The following NRG1 variants were observed in gnomAD, a reference collection of about 807,000 sequenced individuals.
The protein encoded by NRG1 is pro-neuregulin-1, membrane-bound isoform.
NRG1 carries 18 observed loss-of-function variants against 63.8 expected under a neutral mutation model. The observed-to-expected ratio is 0.28, with a 90% CI of 0.19 to 0.42. The LOEUF (loss-of-function observed/expected upper bound fraction) is 0.42. Ranked by LOEUF, NRG1 falls within the 10% of genes least tolerant of loss-of-function variation. The pLI is 1.00. For synonymous variants in NRG1, 302 were observed against 301.3 expected (o/e 1.00, Z -0.02); for missense variants, 762 against 814.7 (o/e 0.94, Z 0.79).
chr8:32,527,080 T>A (rs993837897), intron 1 of NRG1, among the ~76,000 whole-genome samples: 1 of 152,192 alleles, frequency 6.6e-6, no homozygotes, highest in Non-Finnish European at 1.5e-5. Flanking sequence ...CATTGCAAAC[T>A]TAATTTCTCA....
chr8:31,748,078 C>A (rs1816072987), intron 1 of NRG1, among the ~76,000 whole-genome samples: 1 of 151,832 alleles, frequency 6.6e-6, no homozygotes, highest in Non-Finnish European at 1.5e-5. Flanking sequence ...AAAATATAAC[C>A]TTTCTTCTAC....
In NRG1 at chr8:31,696,129, G is replaced by A. The variant is rs140606339; in HGVS notation, c.37+56698G>A. ...GTCGCCCAGGCTGGAGTGCAGTGGT[G>A]CTATCTTGGCTCACTGCAACCTCCG... On this transcript the variant is annotated intron_variant, in intron 1 of 10. Coordinates refer to the NRG1 transcript ENST00000519301. Among the ~76,000 whole-genome samples, 661 of 152,290 alleles carry A rather than the reference G, an allele frequency of 4.3e-3. 5 individuals are homozygous for A. The highest frequency in any genetic ancestry group is 0.015 in the African/African-American group (633 of 41,564).
At chr8:32,395,869 C>T (rs1812376148) in intron 1 of NRG1, among the ~76,000 whole-genome samples, 1 of 151,938 alleles carries the variant, frequency 6.6e-6, no homozygotes, top group African/African-American at 2.4e-5. Context: ...TTAGGTTTTA[C>T]CTTTATGTCT....
chr8:32,047,804 T>A (rs1821253274), intron 1 of NRG1, among the ~76,000 whole-genome samples: 1 of 151,784 alleles, frequency 6.6e-6, no homozygotes, highest in Non-Finnish European at 1.5e-5. Flanking sequence ...CTTTTTTTTT[T>A]AAGAATACAA....
At chr8:32,171,625 G>T (rs1046352836) in intron 1 of NRG1, among the ~76,000 whole-genome samples, 5 of 152,140 alleles carry the variant, frequency 3.3e-5, no homozygotes, top group Admixed American at 1.3e-4. Context: ...GACGGCACCT[G>T]GAAAATCGGG....
chr8:32,741,350 A>G (rs367711438), intron 6 of NRG1, among the ~76,000 whole-genome samples: 1 of 152,174 alleles, frequency 6.6e-6, no homozygotes, highest in Admixed American at 6.6e-5. Flanking sequence ...TTTAAAATGT[A>G]TTTGTCTTTG....
intron 5 of NRG1, among the ~76,000 whole-genome samples, chr8:32,688,355 T>C (rs1810726027): frequency 6.6e-6 from 1 of 152,152 alleles, no homozygotes. Flanking sequence ...ATTATAACCA[T>C]CTTTCAAAGC....
intron 1 of NRG1, among the ~76,000 whole-genome samples, chr8:32,024,291 G>C (rs1286858937): frequency 6.6e-6 from 1 of 152,210 alleles, no homozygotes; most frequent in Non-Finnish European, 1.5e-5. Flanking sequence ...TGAGTGGAAA[G>C]TTGCAAAGTG....
At chr8:31,833,660 CTGCT>C (rs1027559743) in intron 1 of NRG1, among the ~76,000 whole-genome samples, 5 of 152,110 alleles carry the variant, frequency 3.3e-5, no homozygotes, top group African/African-American at 1.2e-4. Flanking sequence ...GGGTATGTCC[CTGCT>C]TGTTTGAATT....
intron 1 of NRG1, among the ~76,000 whole-genome samples, chr8:32,301,316 C>T (rs969340725): frequency 4.6e-5 from 7 of 152,272 alleles, no homozygotes; most frequent in African/African-American, 1.7e-4. Context: ...CAGGAAATTA[C>T]ATTAAAAGTT....
At chr8:31,849,223 A>C (rs1428151578) in intron 1 of NRG1, among the ~76,000 whole-genome samples, 1 of 152,216 alleles carries the variant, frequency 6.6e-6, no homozygotes, top group East Asian at 1.9e-4. Context: ...CAGTTAAGCC[A>C]TTGCCACAAG....
At chr8:31,978,964 C>G (rs919581010) in intron 1 of NRG1, among the ~76,000 whole-genome samples, 1 of 152,116 alleles carries the variant, frequency 6.6e-6, no homozygotes, top group Non-Finnish European at 1.5e-5. Flanking sequence ...ATTAACTGTC[C>G]TTTAAAAACA....
Position 32,422,383 on chromosome 8 carries a change from C to A in NRG1, c.38-173445C>A, listed in dbSNP as rs1016647503. Among the ~76,000 whole-genome samples the A allele has an allele frequency of 2.0e-5, 3 of 152,014 alleles. No individual in the cohort carries two copies. In the East Asian group the frequency reaches 5.8e-4, roughly 29 times the overall value. ...TTCCCATTTCAATTAAAACAGATAT[C>A]AATATAATTTATCAGCAAAATATTT... On this transcript the variant is annotated intron_variant, in intron 1 of 10. Transcript: ENST00000519301.
intron 1 of NRG1, among the ~76,000 whole-genome samples, chr8:31,765,101 G>A (rs1817930143): frequency 7.9e-5 from 12 of 152,000 alleles, no homozygotes. Context: ...GTGATTATAA[G>A]TGTTACTGTT....
chr8:31,729,575 G>A (rs1813809389), intron 1 of NRG1, among the ~76,000 whole-genome samples: 2 of 151,946 alleles, frequency 1.3e-5, no homozygotes, highest in South Asian at 2.1e-4. Flanking sequence ...GTTTTCTCCA[G>A]TACTCACTCT....
chr8:31,965,923 A>G (rs1563626702), intron 1 of NRG1, among the ~76,000 whole-genome samples: 1 of 152,232 alleles, frequency 6.6e-6, no homozygotes. Flanking sequence ...ATGAGCACAT[A>G]TGCACATAAA....
intron 1 of NRG1, among the ~76,000 whole-genome samples, chr8:32,580,040 G>A (rs1045688836): frequency 6.6e-6 from 1 of 152,128 alleles, no homozygotes; most frequent in Non-Finnish European, 1.5e-5. Context: ...GGTGAACCTG[G>A]ATAATATAGT....
chr8:32,000,528 A>C (rs1289431474), intron 1 of NRG1, among the ~76,000 whole-genome samples: 1 of 151,774 alleles, frequency 6.6e-6, no homozygotes, highest in Non-Finnish European at 1.5e-5. Flanking sequence ...CAGCCCCCCA[A>C]AGTACTGGGA....
At chr8:31,742,130 G>T in intron 1 of NRG1, among the ~76,000 whole-genome samples, 1 of 151,926 alleles carries the variant, frequency 6.6e-6, no homozygotes, top group South Asian at 2.1e-4. Context: ...TTTCTGTAAG[G>T]TCAAAACAAG....
Sources: gnomAD v4.1 joint callset for allele counts (sites outside exome capture counted in the v4.1 genomes callset) on GRCh38, gnomAD v4.1.1 for gene constraint, MANE v1.5 for transcripts, NCBI Gene and HGNC (gene_info 2026-07-23, HGNC 2026-07-21) for gene names.